Variants in PPP1R13B observed in about 807,000 individuals in gnomAD.
The protein encoded by PPP1R13B is apoptosis-stimulating of p53 protein 1.
Under a neutral mutation model 119.8 loss-of-function variants are expected in PPP1R13B, and 44 were observed. The ratio of observed to expected loss-of-function variants is 0.37; its 90% CI spans 0.29 to 0.47. The LOEUF is 0.47. Among genes scored for constraint, PPP1R13B ranks in the 20% least tolerant of loss-of-function variants. The probability of loss-of-function intolerance (pLI) is 0.99; values close to 1 mark genes in which losing one functional copy is unlikely to be tolerated. For missense variants in PPP1R13B, 1,227 were observed against 1,413.5 expected (o/e 0.87, Z 2.12); for synonymous variants, 542 against 561.5 (o/e 0.97, Z 0.49).
At chr14:103,799,619 T>G (rs928003575) in intron 1 of PPP1R13B, among the ~76,000 whole-genome samples, 41 of 149,360 alleles carry the variant, frequency 2.7e-4, no homozygotes, top group Non-Finnish European at 5.2e-4. Context: ...GGTTTTTTGT[T>G]TTTTTTTTTT....
chr14:103,738,369 G>C lies in PPP1R13B; in HGVS notation c.2864+310C>G, dbSNP rs1213514467. On this transcript the variant is annotated intron_variant, in intron 14 of 16. Coordinates refer to ENST00000202556, the MANE Select transcript of PPP1R13B (RefSeq NM_015316.3). This position sits in a 1 kb window ranked among gnomAD's most constrained non-coding sequence, Gnocchi z 5.6. ...CTGCTTTTCACACGGAGCACAGAGT[G>C]TGAAGAGTCCATACGGAACATATGA... The C allele has an allele frequency of 2.5e-6, 1 of 403,830 alleles. No individual in the cohort carries two copies. 25.0% of individuals were successfully genotyped at this position (403,830 alleles called of 1,614,324 possible). A position where few individuals can be genotyped will look rare whatever the true frequency, so the allele number is the denominator to read the frequency against.
At position 103,742,467 on chromosome 14, in the gene PPP1R13B, G is replaced by A. The variant is rs1315625370; in HGVS notation, c.1321-176C>T. On this transcript the variant is annotated intron_variant, in intron 10 of 16. Transcript: ENST00000202556. The surrounding 1 kb of genome is among the most constrained non-coding windows in gnomAD (Gnocchi z 4.9). ...CTGTCTGCAAAAGTTCTGACCGAAAGGTGTGTGTACTCGTGGGCTGCTCAG... is the reference window on the plus strand; with the variant it reads ...CTGTCTGCAAAAGTTCTGACCGAAAAGTGTGTGTACTCGTGGGCTGCTCAG... Among the ~76,000 whole-genome samples the A allele has an allele frequency of 1.3e-5, 2 of 152,222 alleles. No homozygotes were observed. Among genetic ancestry groups the A allele is most frequent in the African/African-American group, 4.8e-5 (2 of 41,454 alleles).
intron 3 of PPP1R13B, among the ~76,000 whole-genome samples, chr14:103,779,125 A>G (rs1285853225): frequency 2.0e-5 from 3 of 152,008 alleles, no homozygotes; most frequent in African/African-American, 4.8e-5. Flanking sequence ...TTGTTTCCAC[A>G]ATAAATATTT....
chr14:103,820,930 G>A (rs1173967737), intron 1 of PPP1R13B, among the ~76,000 whole-genome samples: 1 of 152,064 alleles, frequency 6.6e-6, no homozygotes, highest in East Asian at 1.9e-4. Context: ...TGTTTTTCTT[G>A]TAATTTGAGT....
chr14:103,787,530 C>A (rs994158794), intron 2 of PPP1R13B, among the ~76,000 whole-genome samples: 1 of 150,174 alleles, frequency 6.7e-6, no homozygotes, highest in South Asian at 2.1e-4. Flanking sequence ...AAAAAAAAAA[C>A]CCTAGGGACT....
At chr14:103,848,191 G>T (rs1438710034), upstream of PPP1R13B, 1 of 962,170 alleles carries the variant, frequency 1.0e-6, no homozygotes, top group Non-Finnish European at 1.2e-6. Flanking sequence ...CGCGCCCCCC[G>T]CACCAGCTCC....
chr14:103,803,548 C>A (rs1017483649), intron 1 of PPP1R13B, among the ~76,000 whole-genome samples: 2 of 152,076 alleles, frequency 1.3e-5, no homozygotes, highest in Non-Finnish European at 2.9e-5. Context: ...GAGGCTGAGG[C>A]AGGAGAATGC....
At chr14:103,814,617 C>T (rs368023452) in intron 1 of PPP1R13B, among the ~76,000 whole-genome samples, 2 of 152,036 alleles carry the variant, frequency 1.3e-5, no homozygotes, top group Non-Finnish European at 2.9e-5. Context: ...TGAGCCTAAG[C>T]AACTTGACGA....
intron 4 of PPP1R13B, among the ~76,000 whole-genome samples, chr14:103,761,996 G>C (rs1441062916): frequency 1.3e-5 from 2 of 152,212 alleles, no homozygotes; most frequent in Non-Finnish European, 2.9e-5. Context: ...AGGCAGGGGA[G>C]CATCTTCGAC....
At chr14:103,783,191 C>T (rs1253760666) in intron 3 of PPP1R13B, among the ~76,000 whole-genome samples, 2 of 149,808 alleles carry the variant, frequency 1.3e-5, no homozygotes, top group Non-Finnish European at 3.0e-5. Context: ...TGCTACTTCC[C>T]AGTTTATAAT....
Position 103,746,843 on chromosome 14 carries a change from T to C in PPP1R13B, c.970-290A>G, listed in dbSNP as rs114099942. 1,094 of 237,612 alleles carry C rather than the reference T, an allele frequency of 4.6e-3. 16 individuals carry two copies. The highest frequency in any genetic ancestry group is 0.023 in the African/African-American group (1,008 of 44,606). The allele number at this position is 237,612 out of a possible 1,614,324, so 14.7% of individuals were successfully genotyped here. A position where few individuals can be genotyped will look rare whatever the true frequency, so the allele number is the denominator to read the frequency against. The stretch of plus-strand genomic sequence containing the variant: ...GATCCACATGCAGCTTCCCTCTTAC[T>C]CAGGATACTCTTCCTCCCTTGAGTG... On this transcript the variant is annotated intron_variant, in intron 8 of 16. Coordinates refer to ENST00000202556, the MANE Select transcript of PPP1R13B (RefSeq NM_015316.3).
chr14:103,835,695 G>A (rs1229302301), intron 1 of PPP1R13B, among the ~76,000 whole-genome samples: 26 of 151,018 alleles, frequency 1.7e-4, no homozygotes, highest in Middle Eastern at 3.2e-3. Flanking sequence ...TGCAAGCTCC[G>A]CCTCCTGGGT....
At chr14:103,776,639 A>G (rs1385967254) in intron 4 of PPP1R13B, among the ~76,000 whole-genome samples, 1 of 152,154 alleles carries the variant, frequency 6.6e-6, no homozygotes, top group African/African-American at 2.4e-5. Flanking sequence ...TTGGGAGGCC[A>G]AGGTGGGCGG....
chr14:103,794,665 T>C, intron 2 of PPP1R13B: 1 of 394,684 alleles, frequency 2.5e-6, no homozygotes. Context: ...CTCTGAAACC[T>C]AAAAAAAAAA....
chr14:103,803,486 A>G, intron 1 of PPP1R13B, among the ~76,000 whole-genome samples: 1 of 152,166 alleles, frequency 6.6e-6, no homozygotes, highest in South Asian at 2.1e-4. Context: ...TATTAAAAAT[A>G]CAAAAAATTA....
At chr14:103,790,259 A>G (rs558979269) in intron 2 of PPP1R13B, among the ~76,000 whole-genome samples, 30 of 151,426 alleles carry the variant, frequency 2.0e-4, no homozygotes, top group South Asian at 1.0e-3. Context: ...AAAAAAAAAA[A>G]AGAAATGAAA....
chr14:103,737,820 G>C lies in PPP1R13B; in HGVS notation c.2905C>G (p.Leu969Val). The change falls in exon 15 of 17, where the codon CTC becomes GTC. Residue 969 changes from leucine (L) to valine (V), a missense_variant. Coordinates refer to ENST00000202556, the MANE Select transcript of PPP1R13B (RefSeq NM_015316.3). ...CCACTCTCCACCAGCTGTTTGCAGA[G>C]GTGAACGCTGTTACAAGAGGCAGCG... ...HCAASCNSVH[L>V]CKQLVESGAA... The C allele has an allele frequency of 6.2e-7, 1 of 1,614,190 alleles. No individual in the cohort carries two copies. The highest frequency in any genetic ancestry group is 8.5e-7 in the Non-Finnish European group (1 of 1,180,030).
At chr14:103,809,044 T>G (rs1428631404) in intron 1 of PPP1R13B, among the ~76,000 whole-genome samples, 1 of 152,020 alleles carries the variant, frequency 6.6e-6, no homozygotes, top group Non-Finnish European at 1.5e-5. Context: ...TTTTATTTTT[T>G]GTAGAGATGG....
chr14:103,738,404 G>A lies in PPP1R13B; in HGVS notation c.2864+275C>T. ...CATACGGAACATATGAGAAGGGGAA[G>A]ATGGAATGATTCACAGAATGCTTAG... On this transcript the variant is annotated intron_variant, in intron 14 of 16. Coordinates refer to ENST00000202556, the MANE Select transcript of PPP1R13B (RefSeq NM_015316.3). The surrounding 1 kb of genome is among the most constrained non-coding windows in gnomAD (Gnocchi z 5.6). The A allele has an allele frequency of 6.2e-6, 3 of 487,248 alleles. No homozygotes were observed. The South Asian group carries it at 6.6e-5, about 11-fold the overall frequency. The allele number at this position is 487,248 out of a possible 1,614,324, so 30.2% of individuals were successfully genotyped here.
Sources: gnomAD v4.1 joint callset for allele counts (sites outside exome capture counted in the v4.1 genomes callset) on GRCh38, gnomAD v4.1.1 for gene constraint, Gnocchi (gnomAD v3.1) non-coding constraint, MANE v1.5 for transcripts, NCBI Gene and HGNC (gene_info 2026-07-23, HGNC 2026-07-21) for gene names.